The following ADGRB2 variants were observed in gnomAD, a reference collection of about 807,000 sequenced individuals.
ADGRB2 encodes adhesion G protein-coupled receptor B2.
Under a neutral mutation model 178.7 loss-of-function variants are expected in ADGRB2, and 47 were observed. The ratio of observed to expected loss-of-function variants is 0.26; its 90% confidence interval spans 0.21 to 0.34. The LOEUF (loss-of-function observed/expected upper bound fraction) is 0.34. Among genes scored for constraint, ADGRB2 ranks in the 10% least tolerant of loss-of-function variants. The probability of loss-of-function intolerance (pLI) is 1.00; values close to 1 mark genes in which losing one functional copy is unlikely to be tolerated. For missense variants in ADGRB2, 1,584 were observed against 2,180.8 expected, an observed-to-expected ratio of 0.73 and a Z score of 5.45; for synonymous variants, 870 against 912.4, an observed-to-expected ratio of 0.95 and a Z score of 0.84.
chr1:31,729,488 C>T (rs138187289), intron 29 of ADGRB2, among the ~76,000 whole-genome samples: 2 of 152,350 alleles, frequency 1.3e-5, no homozygotes, highest in Non-Finnish European at 2.9e-5. Context: ...TCTGCCCCGG[C>T]ACCTTCTCCT....
rs1172343566 is a variant in ADGRB2, at chr1:31,754,844, G to C, written c.838+1155C>G. Among the ~76,000 whole-genome samples, 1 of 152,208 alleles carries C rather than the reference G, an allele frequency of 6.6e-6. No homozygotes were observed. Among genetic ancestry groups the C allele is most frequent in the Non-Finnish European group, 1.5e-5 (1 of 68,042 alleles). ...GATCAACTCAAGGTAACAGTCAAAG[G>C]TAGAGGCCAACTCCAGGGCTCTAGC... On this transcript the variant is annotated intron_variant, in intron 4 of 32. Transcript: ENST00000373658. This position sits in a 1 kb window ranked among gnomAD's most constrained non-coding sequence, Gnocchi z 5.7.
chr1:31,756,917 T>C lies in ADGRB2; in HGVS notation c.22-102A>G. On this transcript the variant is annotated intron_variant, in intron 3 of 32. Coordinates refer to ENST00000373658, the MANE Select transcript of ADGRB2 (RefSeq NM_001364857.2). The surrounding 1 kb of genome is among the most constrained non-coding windows in gnomAD (Gnocchi z 8.5). ...GAGTGGGCCTCATAAGTTAAGACCC[T>C]GGTCTTTGAAGTGTCACCTGGGTCC... The C allele has an allele frequency of 2.4e-6, 3 of 1,259,976 alleles. No individual in the cohort carries two copies. The highest frequency in any genetic ancestry group is 3.2e-6 in the Non-Finnish European group (3 of 927,986). 78.0% of individuals were successfully genotyped at this position (1,259,976 alleles called of 1,614,324 possible).
At chr1:31,738,415 C>T in intron 17 of ADGRB2, 89 bp from the exon 18 acceptor site, 6 of 1,583,218 alleles carry the variant, frequency 3.8e-6, no homozygotes, top group Non-Finnish European at 5.2e-6. Context: ...AGGCTAAATC[C>T]ACAGTAAGGC....
intron 1 of ADGRB2, among the ~76,000 whole-genome samples, chr1:31,762,683 G>A (rs1392946954): frequency 1.3e-5 from 2 of 152,092 alleles, no homozygotes; most frequent in South Asian, 4.2e-4. Context: ...GCACGAGGAG[G>A]CACCTGGCCT....
Position 31,740,939 on chromosome 1 carries a change from TCTCA to T in ADGRB2, c.1795-402_1795-399del, listed in dbSNP as rs764961531. On this transcript the variant is annotated intron_variant, in intron 11 of 32. Transcript: ENST00000373658. This position sits in a 1 kb window ranked among gnomAD's most constrained non-coding sequence, Gnocchi z 5.9. ...CACACACACACACTGTCTTTCTCTC[TCTCA>T]CTCTCTCTCAACACAAGCTCTAAAT... Among the ~76,000 whole-genome samples, 6 of 145,582 alleles carry T rather than the reference TCTCA, an allele frequency of 4.1e-5. No homozygotes were observed. Among genetic ancestry groups the T allele is most frequent in the Non-Finnish European group, 6.2e-5 (4 of 64,838 alleles).
chr1:31,750,543 GAATGTGTTAAAAAT>G (rs1443981468), intron 4 of ADGRB2, among the ~76,000 whole-genome samples: 1 of 152,166 alleles, frequency 6.6e-6, no homozygotes, highest in Non-Finnish European at 1.5e-5. Flanking sequence ...ACTATGGTAT[GAATGTGTTAAAAAT>G]AACCACAATA....
chr1:31,748,372 T>A lies in ADGRB2; in HGVS notation c.839-3641A>T, dbSNP rs978612099. 1.5e-4 allele frequency among the ~76,000 whole-genome samples: 23 copies of A among 152,082 alleles called. 1 individual carries two copies. Among genetic ancestry groups the A allele is most frequent in the African/African-American group, 5.1e-4 (21 of 41,414 alleles). ...CTGCCTGCCCCTCCATTCCCACCCA[T>A]CCCACTCAGAGGAGAGGAGAGGCCA... On this transcript the variant is annotated intron_variant, in intron 4 of 32. Coordinates refer to ENST00000373658, the MANE Select transcript of ADGRB2 (RefSeq NM_001364857.2).
chr1:31,730,469 C>T (rs778481649), intron 29 of ADGRB2, among the ~76,000 whole-genome samples: 17 of 152,192 alleles, frequency 1.1e-4, no homozygotes, highest in Non-Finnish European at 2.1e-4. Flanking sequence ...GAACTCAGAC[C>T]TGCATGACGC....
rs999880453 is a variant in ADGRB2 at position 31,758,136 on chromosome 1, T to A, written c.-190-625A>T. Among the ~76,000 whole-genome samples, 7 of 152,090 alleles carry A rather than the reference T, an allele frequency of 4.6e-5. No homozygotes were observed. Among genetic ancestry groups the A allele is most frequent in the African/African-American group, 7.2e-5 (3 of 41,402 alleles). On this transcript the variant is annotated intron_variant, in intron 1 of 32. Transcript: ENST00000373658. The surrounding 1 kb of genome is among the most constrained non-coding windows in gnomAD (Gnocchi z 4.2). ...ACTTCCAATCCTACCCCCCAAGTAA[T>A]CCAAGCGGCCTCCCTCCTGCATGCC...
chr1:31,753,021 A>G lies in ADGRB2; in HGVS notation c.838+2978T>C, dbSNP rs1221191632. Among the ~76,000 whole-genome samples, 1 of 152,154 alleles carries G rather than the reference A, an allele frequency of 6.6e-6. No homozygotes were observed. The highest frequency in any genetic ancestry group is 2.4e-5 in the African/African-American group (1 of 41,442). ...GTGGCCAAGGAGAGAGGCGTGCATG[A>G]GGCGGGGTTCTTTCTCCCAAGTATC... On this transcript the variant is annotated intron_variant, in intron 4 of 32. Transcript: ENST00000373658. This position sits in a 1 kb window ranked among gnomAD's most constrained non-coding sequence, Gnocchi z 4.1.
Position 31,742,289 on chromosome 1 carries a change from AG to A in ADGRB2, c.1253-73del, listed in dbSNP as rs202004368. On this transcript the variant is annotated intron_variant, in intron 7 of 32. Transcript: ENST00000373658. ...GAGGGCTGGTGGTGTGGAGAACCAC[AG>A]GAAGACCCAGAGCCTGCTAGGCATT... 7 of 1,521,916 alleles carry A rather than the reference AG, an allele frequency of 4.6e-6. No individual in the cohort carries two copies. The East Asian group carries it at 1.6e-4, about 35-fold the overall frequency. The allele number at this position is 1,521,916 out of a possible 1,614,324, so 94.3% of individuals were successfully genotyped here.
At position 31,735,492 on chromosome 1, in the gene ADGRB2, A is replaced by G. The variant is rs1354144983; in HGVS notation, c.3353+88T>C. On this transcript the variant is annotated intron_variant, in intron 24 of 32. Coordinates refer to ENST00000373658, the MANE Select transcript of ADGRB2 (RefSeq NM_001364857.2). The surrounding 1 kb of genome is among the most constrained non-coding windows in gnomAD (Gnocchi z 6.0). ...AAGGTTGGGGAGCCCCGGTCGCATC[A>G]TCGAGCCCTGAGTCTCCAAGAGCAC... 2.0e-6 allele frequency: 3 copies of G among 1,505,016 alleles called. No homozygotes were observed. In the African/African-American group the frequency reaches 4.2e-5, roughly 21 times the overall value. The allele number at this position is 1,505,016 out of a possible 1,614,324, so 93.2% of individuals were successfully genotyped here.
chr1:31,738,947 A>G lies in ADGRB2; in HGVS notation c.2496-10T>C. ...GACGGCCAGCGGGGGCCTGCGGGAC[A>G]GGTACCGAAGTCAGCTCCTGCCAGC... is the stretch of plus-strand genomic sequence containing the variant. On this transcript the variant is annotated splice_polypyrimidine_tract_variant and intron_variant, in intron 15 of 32. Transcript: ENST00000373658. The G allele has an allele frequency of 6.3e-7, 1 of 1,598,458 alleles. No individual in the cohort carries two copies. The highest frequency in any genetic ancestry group is 8.5e-7 in the Non-Finnish European group (1 of 1,169,676).
At position 31,731,427 on chromosome 1, in the gene ADGRB2, C is replaced by T. The variant is rs572367534; in HGVS notation, c.3761-8G>A. The stretch of plus-strand genomic sequence containing the variant: ...TGACCTCCTTGAACAGCACTGGGGG[C>T]AGGAGTGGGAGGGAGGGGGTGAGTC... On this transcript the variant is annotated splice_polypyrimidine_tract_variant and splice_region_variant and intron_variant, in intron 28 of 32. Transcript: ENST00000373658. 16 of 1,572,862 alleles carry T rather than the reference C, an allele frequency of 1.0e-5. No individual in the cohort carries two copies. The African/African-American group carries it at 2.0e-4, about 20-fold the overall frequency.
rs1645779361 is a variant in ADGRB2 at position 31,738,896 on chromosome 1, A to G, written c.2537T>C (p.Val846Ala). ...AGCTGGAGGCTGGGTAGGGGGGCGC[A>G]CAGTCACTGTCATCACCCGGGATGT... is the stretch of plus-strand genomic sequence containing the variant. ...AVTSRVMTVTVRPPTQPPAEP... is the reference protein window; with the variant it reads ...AVTSRVMTVTARPPTQPPAEP... Residue 846 changes from valine to alanine, a missense_variant, in exon 16 of 33, where the codon GTG (valine) becomes GCG (alanine). Coordinates refer to ENST00000373658, the MANE Select transcript of ADGRB2 (RefSeq NM_001364857.2). 6.2e-6 allele frequency: 10 copies of G among 1,613,752 alleles called. No homozygotes were observed. The highest frequency in any genetic ancestry group is 7.6e-6 in the Non-Finnish European group (9 of 1,179,968).
rs1646148342 is a variant in ADGRB2 at position 31,744,213 on chromosome 1, T to C, written c.1067A>G (p.Asn356Ser). Residue 356 changes from asparagine (N) to serine (S), a missense_variant, in exon 6 of 33, where the codon AAC (asparagine) becomes AGC (serine). Coordinates refer to ENST00000373658, the MANE Select transcript of ADGRB2 (RefSeq NM_001364857.2). The surrounding 1 kb of genome is among the most constrained non-coding windows in gnomAD (Gnocchi z 6.7). ...CCTACCTGGGCAGGTGGCTGAATTG[T>C]TGCAGGGCCTGGTCTCCCGCAGGGG... ...SGPLRETRPC[N>S]NSATCPVHGV... is the part of the protein sequence containing the mutation. 1 of 1,536,656 alleles carries C rather than the reference T, an allele frequency of 6.5e-7. No homozygotes were observed. Among genetic ancestry groups the C allele is most frequent in the Non-Finnish European group, 8.8e-7 (1 of 1,138,170 alleles).
rs1645067179 is a variant in ADGRB2, at chr1:31,727,883, C to T, written c.4572+142G>A. On this transcript the variant is annotated intron_variant, in intron 32 of 32. Transcript: ENST00000373658. The surrounding 1 kb of genome is among the most constrained non-coding windows in gnomAD (Gnocchi z 4.4). ...CGCCATCTGCAGCACCTTCCCCACC[C>T]CCAGGCGGCCCCAGACTGTTGCCCA... 8 of 1,177,138 alleles carry T rather than the reference C, an allele frequency of 6.8e-6. No individual in the cohort carries two copies. The African/African-American group carries it at 7.7e-5, about 11-fold the overall frequency. 72.9% of individuals were successfully genotyped at this position (1,177,138 alleles called of 1,614,324 possible).
rs1645881579 is a variant in ADGRB2, at chr1:31,740,525, G to A, written c.1811C>T (p.Ala604Val). 1 of 1,608,436 alleles carries A rather than the reference G, an allele frequency of 6.2e-7. No individual in the cohort carries two copies. Reference protein sequence around the residue: ...YLYLSLREHLAKGQRMLAGEG... With the variant: ...YLYLSLREHLVKGQRMLAGEG... Reference sequence around the variant, plus strand: ...GCCTGCCAGCATGCGCTGCCCCTTGGCCAGGTGCTCCCTAAGCTGTAGGTG... The same window carrying A: ...GCCTGCCAGCATGCGCTGCCCCTTGACCAGGTGCTCCCTAAGCTGTAGGTG... Residue 604 changes from alanine (A) to valine (V), a missense_variant, in exon 12 of 33, where the codon GCC becomes GTC. Ala to Val is a moderately conservative substitution (Grantham distance 64). This residue lies in a region of ADGRB2 where 657 missense variants were observed against 847.6 expected (regional missense o/e 0.78). Coordinates refer to ENST00000373658, the MANE Select transcript of ADGRB2 (RefSeq NM_001364857.2). This position sits in a 1 kb window ranked among gnomAD's most constrained non-coding sequence, Gnocchi z 5.9.
At position 31,728,182 on chromosome 1, in the gene ADGRB2, C is replaced by T; in HGVS notation, c.4515G>A (p.Lys1505=). ...FDRYRSQSTA[K]REKRWSVSSG... is the part of the protein sequence containing the mutation. Reference sequence around the variant, plus strand: ...GGGCAGCCACGGGAGGAGCCCTCACCTTGGCCGTGGACTGGCTGCGGTAGC... The same window carrying T: ...GGGCAGCCACGGGAGGAGCCCTCACTTTGGCCGTGGACTGGCTGCGGTAGC... Residue 1505 remains lysine, a splice_region_variant and synonymous_variant, in exon 31 of 33, where the codon AAG becomes AAA. Coordinates refer to ENST00000373658, the MANE Select transcript of ADGRB2 (RefSeq NM_001364857.2). This position sits in a 1 kb window ranked among gnomAD's most constrained non-coding sequence, Gnocchi z 6.7. 6.2e-7 allele frequency: 1 copy of T among 1,614,186 alleles called. No homozygotes were observed. Among genetic ancestry groups the T allele is most frequent in the African/African-American group, 1.3e-5 (1 of 75,072 alleles).
Sources: gnomAD v4.1 joint callset for allele counts (sites outside exome capture counted in the v4.1 genomes callset) on GRCh38, gnomAD v4.1.1 for gene constraint, gnomAD v4.1.1 regional missense constraint, Gnocchi (gnomAD v3.1) non-coding constraint, MANE v1.5 for transcripts, NCBI Gene and HGNC (gene_info 2026-07-23, HGNC 2026-07-21) for gene names.